Variants in TTN observed in about 807,000 individuals in gnomAD.
The protein encoded by TTN is connectin.
Under a neutral mutation model 3,223.0 loss-of-function variants are expected in TTN, and 1,525 were observed. The observed-to-expected ratio is 0.47, with a 90% CI of 0.45 to 0.49. The LOEUF (loss-of-function observed/expected upper bound fraction) is 0.49. TTN is among the 20% of genes least tolerant of loss of function. The pLI is 0.00. For missense variants in TTN, 40,786 were observed against 43,424.0 expected, an observed-to-expected ratio of 0.94 and a Z score of 5.40; for synonymous variants, 14,094 against 15,161.0, an observed-to-expected ratio of 0.93 and a Z score of 5.17.
rs1305456177 is a variant in TTN at position 178,784,217 on chromosome 2, T to TGTG, written c.2625_2627dup (p.Thr876dup). The TGTG allele has an allele frequency of 1.2e-6, 2 of 1,614,004 alleles. No homozygotes were observed. The highest frequency in any genetic ancestry group is 1.7e-6 in the Non-Finnish European group (2 of 1,180,012). On this transcript the variant is annotated inframe_insertion, in exon 16 of 363. Coordinates refer to ENST00000589042, the MANE Select transcript of TTN (RefSeq NM_001267550.2). ...CAGCGAAGGGGAACTGTGGCAAGGG[T>TGTG]GTGGGCTCTGCCCTTACTCTAGTCT...
intron 47 of TTN, chr2:178,748,936 C>T: frequency 6.2e-7 from 1 of 1,612,484 alleles, no homozygotes; most frequent in Admixed American, 1.7e-5. Flanking sequence ...CATCAATCTT[C>T]TTTTGAGGAG....
chr2:178,781,830 A>G (rs2092786229), intron 20 of TTN, among the ~76,000 whole-genome samples: 1 of 152,078 alleles, frequency 6.6e-6, no homozygotes, highest in Non-Finnish European at 1.5e-5. Context: ...TCTTCATTAC[A>G]TGGCTATTCT....
chr2:178,681,011 A>G, intron 138 of TTN, 68 bp downstream of exon 138: 1 of 1,305,842 alleles, frequency 7.7e-7, no homozygotes, highest in South Asian at 1.4e-5. Context: ...AATGAAATGA[A>G]TCATAGTTAC....
chr2:178,745,656 C>A (rs143376837), intron 47 of TTN: 1 of 1,612,362 alleles, frequency 6.2e-7, no homozygotes, highest in African/African-American at 1.3e-5. Flanking sequence ...CTATACTCTC[C>A]TTCATCACTC....
Position 178,723,433 on chromosome 2 carries a change from G to A in TTN, c.21667C>T (p.Arg7223Cys), listed in dbSNP as rs1156609638. 4.3e-6 allele frequency: 7 copies of A among 1,612,182 alleles called. No homozygotes were observed. Among genetic ancestry groups the A allele is most frequent in the Admixed American group, 3.3e-5 (2 of 59,880 alleles). The change falls in exon 74 of 363, where the codon CGT becomes TGT. Residue 7223 changes from arginine to cysteine, a missense_variant. By Grantham distance (180) the Arg-to-Cys change is radical. Coordinates refer to ENST00000589042, the MANE Select transcript of TTN (RefSeq NM_001267550.2). ...TTGAGCAAACCTTTCACAAAGAGAC[G>A]GGTAGTGCAAGATGCTTGGCCAGCG... ...NNAGQASCTT[R>C]LFVKEPAAFL...
In TTN at chr2:178,572,423, G is replaced by C; in HGVS notation, c.73709C>G (p.Ala24570Gly). ...ESTRKAYSTV[A>G]TNCHKTSWKV... ...CCAGGAAGTCTTGTGGCAGTTTGTTGCAACAGTTGAATATGCTTTTCTTGT... is the reference window on the plus strand; with the variant it reads ...CCAGGAAGTCTTGTGGCAGTTTGTTCCAACAGTTGAATATGCTTTTCTTGT... Residue 24570 changes from alanine to glycine, a missense_variant, in exon 326 of 363, where the codon GCA becomes GGA. By Grantham distance (60) the Ala-to-Gly change is moderately conservative. Transcript: ENST00000589042. 1 of 1,612,900 alleles carries C rather than the reference G, an allele frequency of 6.2e-7. No homozygotes were observed. Among genetic ancestry groups the C allele is most frequent in the South Asian group, 1.1e-5 (1 of 91,060 alleles).
chr2:178,642,245 A>G lies in TTN; in HGVS notation c.40550T>C (p.Leu13517Pro). ...GTTGAAAAATACTATACCGCTTTTC[A>G]GAACAACTTCTTCCTTTGGTTCAGG... Reference protein sequence around the residue: ...RKPEPKEEVVLKSVLRKRPEE... With the variant: ...RKPEPKEEVVPKSVLRKRPEE... Residue 13517 changes from leucine to proline, a missense_variant, in exon 219 of 363, where the codon CTG (leucine) becomes CCG (proline). Leu to Pro is a moderately conservative substitution (Grantham distance 98, BLOSUM62 -3). Coordinates refer to ENST00000589042, the MANE Select transcript of TTN (RefSeq NM_001267550.2). 1.9e-6 allele frequency: 3 copies of G among 1,587,392 alleles called. No individual in the cohort carries two copies. Among genetic ancestry groups the G allele is most frequent in the Non-Finnish European group, 2.6e-6 (3 of 1,165,444 alleles).
Position 178,706,524 on chromosome 2 carries a change from C to T in TTN, c.29350G>A (p.Val9784Ile), listed in dbSNP as rs2075899130. 1.9e-6 allele frequency: 3 copies of T among 1,613,806 alleles called. No individual in the cohort carries two copies. The South Asian group carries it at 3.3e-5, about 18-fold the overall frequency. Residue 9784 changes from valine to isoleucine, a missense_variant, in exon 102 of 363, where the codon GTT becomes ATT. Transcript: ENST00000589042. ...TTCCTTTCATCCACCTGTAAGTTAA[C>T]ATTACTTTCAATTTCACCATGTTCG... ...FNEHGEIESN[V>I]NLQVDERKKQ...
At chr2:178,784,678 C>T (rs952360365) in intron 15 of TTN, among the ~76,000 whole-genome samples, 1 of 152,110 alleles carries the variant, frequency 6.6e-6, no homozygotes, top group African/African-American at 2.4e-5. Context: ...CGATGAATGC[C>T]ACTTTTGAAA....
chr2:178,597,413 A>G, intron 294 of TTN, 125 bp downstream of exon 294: 1 of 1,150,006 alleles, frequency 8.7e-7, no homozygotes, highest in East Asian at 2.6e-5. Context: ...ATAATGTTCA[A>G]CATGATTATG....
At position 178,776,434 on chromosome 2, in the gene TTN, C is replaced by T. The variant is rs1428790390; in HGVS notation, c.5430G>A (p.Arg1810=). The stretch of plus-strand genomic sequence containing the variant: ...ATTCTTCAATTCTCTGTAAGCCTTT[C>T]CTCCCCTCAGGCAATTGGGATTCTT... ...LVEESQLPEG[R]KGLQRIEELE... The change falls in exon 28 of 363, where the codon AGG becomes AGA. Residue 1810 remains arginine, a synonymous_variant. Transcript: ENST00000589042. 2 of 1,609,948 alleles carry T rather than the reference C, an allele frequency of 1.2e-6. No homozygotes were observed. The highest frequency in any genetic ancestry group is 2.2e-5 in the East Asian group (1 of 44,886).
At chr2:178,794,331 T>C (rs759683862) in intron 8 of TTN, 68 bp downstream of exon 8, 15 of 1,602,202 alleles carry the variant, frequency 9.4e-6, no homozygotes, top group African/African-American at 1.3e-5. Context: ...GCTCAGTGGA[T>C]GGTGGTTGAG....
At chr2:178,639,845 T>C (rs2060996414) in intron 222 of TTN, 57 bp from the exon 223 acceptor site, 2 of 1,505,236 alleles carry the variant, frequency 1.3e-6, no homozygotes, top group South Asian at 2.6e-5. Flanking sequence ...TAAAAACTTA[T>C]TTGGTAGCTT....
chr2:178,701,528 C>T lies in TTN; in HGVS notation c.30598G>A (p.Glu10200Lys). The T allele has an allele frequency of 6.2e-7, 1 of 1,612,442 alleles. No homozygotes were observed. Among genetic ancestry groups the T allele is most frequent in the Non-Finnish European group, 8.5e-7 (1 of 1,179,244 alleles). Reference sequence around the variant, plus strand: ...CAGATGTTGAGGTTCTGGGTCTTACCTTCTGGTGGCACTGCTCTGATAGGC... The same window carrying T: ...CAGATGTTGAGGTTCTGGGTCTTACTTTCTGGTGGCACTGCTCTGATAGGC... ...TMPIRAVPPE[E>K]IPPVVAPPIP... The change falls in exon 110 of 363, where the codon GAA becomes AAA. Residue 10200 changes from glutamate (E) to lysine (K), a missense_variant and splice_region_variant. Physicochemically the swap from Glu to Lys is moderately conservative, Grantham distance 56. Coordinates refer to ENST00000589042, the MANE Select transcript of TTN (RefSeq NM_001267550.2).
In TTN at chr2:178,776,510, G is replaced by C. The variant is rs397517649; in HGVS notation, c.5354C>G (p.Thr1785Arg). ...AATAAGGGTAGCAGATGTGTGATCTGTTCCATATTTGTTAGTGGCTCTGCA... is the reference window on the plus strand; with the variant it reads ...AATAAGGGTAGCAGATGTGTGATCTCTTCCATATTTGTTAGTGGCTCTGCA... ...ITCRATNKYG[T>R]DHTSATLIVK... Residue 1785 changes from threonine (T) to arginine (R), a missense_variant, in exon 28 of 363, where the codon ACA becomes AGA. Coordinates refer to ENST00000589042, the MANE Select transcript of TTN (RefSeq NM_001267550.2). 5 of 1,608,798 alleles carry C rather than the reference G, an allele frequency of 3.1e-6. No homozygotes were observed. The highest frequency in any genetic ancestry group is 4.2e-6 in the Non-Finnish European group (5 of 1,179,986).
intron 129 of TTN, 102 bp from the exon 130 acceptor site, chr2:178,685,091 C>A: frequency 8.4e-7 from 1 of 1,183,954 alleles, no homozygotes; most frequent in Non-Finnish European, 1.2e-6. Flanking sequence ...CACATATATA[C>A]AAACGTTAAT....
chr2:178,751,377 C>T (rs2085453371), intron 47 of TTN: 4 of 1,605,938 alleles, frequency 2.5e-6, no homozygotes, highest in African/African-American at 2.7e-5. Flanking sequence ...TCTAAATATT[C>T]TTCATCATAC....
At position 178,536,162 on chromosome 2, in the gene TTN, A is replaced by G. The variant is rs998397847; in HGVS notation, c.100585T>C (p.Trp33529Arg). 3.7e-6 allele frequency: 6 copies of G among 1,613,518 alleles called. No individual in the cohort carries two copies. Among genetic ancestry groups the G allele is most frequent in the African/African-American group, 2.7e-5 (2 of 74,904 alleles). ...VTGHPKPIVK[W>R]YRQGKEIIAD... Reference sequence around the variant, plus strand: ...ATGATTTCTTTGCCTTGTCTGTACCATTTGACGATAGGTTTTGGATGACCA... The same window carrying G: ...ATGATTTCTTTGCCTTGTCTGTACCGTTTGACGATAGGTTTTGGATGACCA... The change falls in exon 357 of 363, where the codon TGG (tryptophan) becomes CGG (arginine). Residue 33529 changes from tryptophan (W) to arginine (R), a missense_variant. Coordinates refer to ENST00000589042, the MANE Select transcript of TTN (RefSeq NM_001267550.2).
chr2:178,528,837 C>A lies in TTN; in HGVS notation c.106914G>T (p.Trp35638Cys). The A allele has an allele frequency of 6.2e-7, 1 of 1,613,910 alleles. No homozygotes were observed. The highest frequency in any genetic ancestry group is 1.1e-5 in the South Asian group (1 of 91,082). Residue 35638 changes from tryptophan (W) to cysteine (C), a missense_variant, in exon 360 of 363, where the codon TGG (tryptophan) becomes TGT (cysteine). Trp to Cys is a radical substitution (Grantham distance 215). Transcript: ENST00000589042. ...TGGTAAGCTCTACGCCATTCAGTAC[C>A]CATTTCACATCAGTGGCACCAGCAA... ...ANIAGATDVK[W>C]VLNGVELTNS...
Sources: allele counts gnomAD v4.1 joint callset (sites outside exome capture counted in the v4.1 genomes callset), GRCh38; gene constraint gnomAD v4.1.1; transcripts MANE v1.5; gene names NCBI Gene and HGNC (gene_info 2026-07-23, HGNC 2026-07-21).